Variants in ATF6 observed in about 807,000 individuals in gnomAD.
ATF6 encodes the protein activating transcription factor 6.
Under a neutral mutation model 83.6 loss-of-function variants are expected in ATF6, and 53 were observed. The ratio of observed to expected loss-of-function variants is 0.63; its 90% CI spans 0.51 to 0.80. The LOEUF (loss-of-function observed/expected upper bound fraction) is 0.80. Ranked by LOEUF, ATF6 falls within the 30% of genes least tolerant of loss-of-function variation. The pLI is 0.00. For missense variants in ATF6, 744 were observed against 797.9 expected (o/e 0.93, Z 0.81); for synonymous variants, 288 against 285.8 (o/e 1.01, Z -0.08).
At chr1:161,910,785 A>C (rs540539619) in intron 14 of ATF6, among the ~76,000 whole-genome samples, 32 of 152,300 alleles carry the variant, frequency 2.1e-4, no homozygotes, top group African/African-American at 7.2e-4. Flanking sequence ...TGTTATCTTA[A>C]TCAGAAATGT....
intron 14 of ATF6, among the ~76,000 whole-genome samples, chr1:161,910,383 G>T (rs779568233): frequency 6.6e-6 from 1 of 152,050 alleles, no homozygotes; most frequent in East Asian, 1.9e-4. Flanking sequence ...GTAATAATTC[G>T]TATGCATGCA....
chr1:161,853,177 A>G (rs772361324), intron 11 of ATF6, 47 bp from the exon 12 acceptor site: 2 of 1,293,182 alleles, frequency 1.5e-6, no homozygotes, highest in South Asian at 1.3e-5. Context: ...ATCCATTTCT[A>G]TGTTTAATTA....
intron 15 of ATF6, among the ~76,000 whole-genome samples, chr1:161,912,905 G>A (rs1688019717): frequency 6.6e-6 from 1 of 151,954 alleles, no homozygotes; most frequent in South Asian, 2.1e-4. Flanking sequence ...ATAATGCACA[G>A]ATGTTAAGGC....
intron 9 of ATF6, among the ~76,000 whole-genome samples, chr1:161,844,670 A>T (rs1490623601): frequency 6.6e-6 from 1 of 152,156 alleles, no homozygotes; most frequent in African/African-American, 2.4e-5. Context: ...TTCATAGCTT[A>T]CTTTCATAAT....
chr1:161,949,631 C>T (rs1688822531), intron 15 of ATF6, among the ~76,000 whole-genome samples: 1 of 152,176 alleles, frequency 6.6e-6, no homozygotes, highest in Non-Finnish European at 1.5e-5. Context: ...TGCCTCTACT[C>T]ACAGCAGAAG....
intron 14 of ATF6, chr1:161,892,165 T>C (rs1368921124): frequency 1.3e-5 from 2 of 152,180 alleles, no homozygotes; most frequent in South Asian, 2.1e-4. Flanking sequence ...GTTTAACAGA[T>C]TGAAATAAAA....
rs556705486 is a variant in ATF6 at position 161,805,365 on chromosome 1, G to T, written c.909+3093G>T. 2.0e-5 allele frequency among the ~76,000 whole-genome samples: 3 copies of T among 152,240 alleles called. No individual in the cohort carries two copies. In the East Asian group the frequency reaches 5.8e-4, roughly 29 times the overall value. ...ATAAAGAAAGATTCAAACACTTTATGTTTAATGCAAAGAGACCTAAGGACA... is the reference window on the plus strand; with the variant it reads ...ATAAAGAAAGATTCAAACACTTTATTTTTAATGCAAAGAGACCTAAGGACA... On this transcript the variant is annotated intron_variant, in intron 7 of 15. Transcript: ENST00000367942.
intron 15 of ATF6, 71 bp from the exon 16 acceptor site, chr1:161,958,375 G>A: frequency 6.9e-7 from 1 of 1,447,078 alleles, no homozygotes; most frequent in Non-Finnish European, 9.4e-7. Flanking sequence ...CTGTATTTCT[G>A]GGGCTGAAGC....
At chr1:161,862,690 A>G (rs1425278287) in intron 13 of ATF6, among the ~76,000 whole-genome samples, 2 of 152,058 alleles carry the variant, frequency 1.3e-5, no homozygotes, top group African/African-American at 2.4e-5. Context: ...ATGGAGGGCA[A>G]TTTCCCCAGG....
At chr1:161,769,727 T>C (rs1306956791) in intron 1 of ATF6, among the ~76,000 whole-genome samples, 1 of 151,892 alleles carries the variant, frequency 6.6e-6, no homozygotes, top group Admixed American at 6.6e-5. Flanking sequence ...AGTGATTAGA[T>C]CATCAGGCGT....
intron 14 of ATF6, among the ~76,000 whole-genome samples, chr1:161,877,580 T>A (rs12024729): frequency 0.14 from 21,566 of 152,052 alleles, 2,089 homozygotes; most frequent in East Asian, 0.32. Context: ...AAGGGGCTAG[T>A]TCTACAAAGC....
intron 15 of ATF6, among the ~76,000 whole-genome samples, chr1:161,939,592 T>C (rs540205858): frequency 6.6e-6 from 1 of 152,376 alleles, no homozygotes; most frequent in South Asian, 2.1e-4. Context: ...TTGTTAGTAC[T>C]GGAGACCCAC....
At chr1:161,790,432 C>T (rs1463325711) in intron 4 of ATF6, among the ~76,000 whole-genome samples, 1 of 152,122 alleles carries the variant, frequency 6.6e-6, no homozygotes, top group Non-Finnish European at 1.5e-5. Context: ...GATAGATTCA[C>T]TGAATATTAA....
chr1:161,941,174 T>C (rs552117127), intron 15 of ATF6, among the ~76,000 whole-genome samples: 9 of 152,360 alleles, frequency 5.9e-5, no homozygotes, highest in Non-Finnish European at 1.3e-4. Flanking sequence ...TATTGTACCC[T>C]ATCAACTGAA....
At chr1:161,905,713 C>T (rs1471244924) in intron 14 of ATF6, among the ~76,000 whole-genome samples, 1 of 152,144 alleles carries the variant, frequency 6.6e-6, no homozygotes, top group African/African-American at 2.4e-5. Flanking sequence ...GTTTCAGAGG[C>T]CCTAACTTAT....
chr1:161,954,449 T>C (rs1203061992), intron 15 of ATF6, among the ~76,000 whole-genome samples: 1 of 152,248 alleles, frequency 6.6e-6, no homozygotes, highest in Admixed American at 6.5e-5. Flanking sequence ...AGTGTTTGAT[T>C]CTGAATAGAA....
At chr1:161,893,001 C>T (rs893127158) in intron 14 of ATF6, among the ~76,000 whole-genome samples, 1 of 151,974 alleles carries the variant, frequency 6.6e-6, no homozygotes, top group Non-Finnish European at 1.5e-5. Context: ...TGAGGGGAAG[C>T]CATTGTCTTC....
Position 161,821,142 on chromosome 1 carries a change from C to T in ATF6, c.1168C>T (p.Leu390=), listed in dbSNP as rs1429734023. 1.9e-6 allele frequency: 3 copies of T among 1,610,770 alleles called. No individual in the cohort carries two copies. Among genetic ancestry groups the T allele is most frequent in the East Asian group, 2.2e-5 (1 of 44,772 alleles). ...CVMIVLAFII[L]NYGPMSMLEQ... Reference sequence around the variant, plus strand: ...GATGATAGTATTGGCATTTATAATACTGAACTATGGACCTATGAGGTAAGT... The same window carrying T: ...GATGATAGTATTGGCATTTATAATATTGAACTATGGACCTATGAGGTAAGT... The change falls in exon 9 of 16, where the codon CTG becomes TTG. Residue 390 remains leucine, a synonymous_variant. Coordinates refer to ENST00000367942, the MANE Select transcript of ATF6 (RefSeq NM_007348.4).
At chr1:161,927,270 A>G (rs992446015) in intron 15 of ATF6, among the ~76,000 whole-genome samples, 1 of 152,220 alleles carries the variant, frequency 6.6e-6, no homozygotes. Context: ...TCTGTAGGCA[A>G]GCATTTTATT....
Sources: allele counts gnomAD v4.1 joint callset (sites outside exome capture counted in the v4.1 genomes callset), GRCh38; gene constraint gnomAD v4.1.1; transcripts MANE v1.5; gene names NCBI Gene and HGNC (gene_info 2026-07-23, HGNC 2026-07-21).